CSMD1: variants seen among roughly 807,000 people sequenced by gnomAD.
The protein encoded by CSMD1 is CUB and sushi domain-containing protein 1.
In CSMD1, 213 loss-of-function variants were observed where a neutral mutation model predicts 417.5. The ratio of observed to expected loss-of-function variants is 0.51; its 90% CI spans 0.46 to 0.57. The LOEUF is 0.57. CSMD1 is among the 20% of genes least tolerant of loss of function. CSMD1 has a pLI of 0.00. For synonymous variants in CSMD1, 2,862 were observed against 1,736.8 expected, an observed-to-expected ratio of 1.65 and a Z score of -16.11; for missense variants, 6,923 against 4,529.7, an observed-to-expected ratio of 1.53 and a Z score of -15.17.
chr8:3,675,798 T>C (rs1044214645), intron 7 of CSMD1, among the ~76,000 whole-genome samples: 3 of 152,224 alleles, frequency 2.0e-5, no homozygotes, highest in African/African-American at 4.8e-5. Context: ...CAGTCTATGA[T>C]ATTTTGTTAT....
intron 2 of CSMD1, among the ~76,000 whole-genome samples, chr8:4,427,893 G>C (rs754667740): frequency 1.3e-5 from 2 of 152,084 alleles, no homozygotes; most frequent in African/African-American, 2.4e-5. Context: ...TTAATATAAT[G>C]TCTCTAGGGC....
chr8:4,827,072 T>C (rs544318370), intron 1 of CSMD1, among the ~76,000 whole-genome samples: 1 of 152,038 alleles, frequency 6.6e-6, no homozygotes, highest in Non-Finnish European at 1.5e-5. Flanking sequence ...GGGAAAAAAA[T>C]TAAGTCCATG....
chr8:3,535,144 G>T (rs552591090), intron 10 of CSMD1, among the ~76,000 whole-genome samples: 2 of 151,900 alleles, frequency 1.3e-5, no homozygotes, highest in African/African-American at 2.4e-5. Context: ...TATAGAGACA[G>T]GGTCTCACCA....
chr8:3,543,971 G>T (rs147877475), intron 10 of CSMD1, among the ~76,000 whole-genome samples: 4 of 152,152 alleles, frequency 2.6e-5, no homozygotes, highest in African/African-American at 7.2e-5. Context: ...TGAGAAAGCA[G>T]AAAGAGTCAG....
intron 5 of CSMD1, among the ~76,000 whole-genome samples, chr8:3,976,504 A>G (rs1813446317): frequency 6.6e-6 from 1 of 152,214 alleles, no homozygotes; most frequent in African/African-American, 2.4e-5. Context: ...CGCTTAATAA[A>G]TATTTGTTGA....
At chr8:4,903,612 C>T (rs1387830107) in intron 1 of CSMD1, among the ~76,000 whole-genome samples, 1 of 152,156 alleles carries the variant, frequency 6.6e-6, no homozygotes, top group African/African-American at 2.4e-5. Flanking sequence ...CATGATAAAA[C>T]ATTATGAAGT....
At chr8:4,311,079 A>G (rs10105312) in intron 3 of CSMD1, among the ~76,000 whole-genome samples, 25,831 of 152,184 alleles carry the variant, frequency 0.17, 4,295 homozygotes, top group African/African-American at 0.43. Flanking sequence ...ACTACTGTGG[A>G]AAGCAATGTG....
chr8:3,430,763 T>C (rs546294689), intron 12 of CSMD1, among the ~76,000 whole-genome samples: 2 of 152,272 alleles, frequency 1.3e-5, no homozygotes, highest in South Asian at 2.1e-4. Flanking sequence ...GCAGCGATCA[T>C]GGCCCTGAAC....
chr8:4,574,481 G>A (rs1406478443), intron 2 of CSMD1, among the ~76,000 whole-genome samples: 3 of 152,136 alleles, frequency 2.0e-5, no homozygotes, highest in Admixed American at 1.3e-4. Context: ...CCAGTGAAAT[G>A]ATCCATGTAC....
At chr8:3,466,979 T>A (rs1039394849) in intron 12 of CSMD1, among the ~76,000 whole-genome samples, 3 of 152,152 alleles carry the variant, frequency 2.0e-5, no homozygotes, top group African/African-American at 7.2e-5. Flanking sequence ...TATTCTTTTG[T>A]CAAAGATAAC....
intron 38 of CSMD1, among the ~76,000 whole-genome samples, chr8:3,160,972 G>C (rs932367759): frequency 2.0e-5 from 3 of 152,174 alleles, no homozygotes; most frequent in South Asian, 4.1e-4. Flanking sequence ...CACGGCTGTA[G>C]TGTTGCAACT....
At chr8:4,899,180 G>A (rs1261509762) in intron 1 of CSMD1, among the ~76,000 whole-genome samples, 2 of 152,210 alleles carry the variant, frequency 1.3e-5, no homozygotes, top group Non-Finnish European at 2.9e-5. Flanking sequence ...GCATTTATAT[G>A]TGTGGGTATA....
intron 1 of CSMD1, among the ~76,000 whole-genome samples, chr8:4,881,831 G>C (rs776262584): frequency 3.1e-4 from 47 of 151,988 alleles, no homozygotes; most frequent in Non-Finnish European, 5.9e-5. Context: ...TAAAAGCCAA[G>C]ATTCTACAAT....
At chr8:4,531,184 G>T (rs976956214) in intron 2 of CSMD1, among the ~76,000 whole-genome samples, 2 of 152,002 alleles carry the variant, frequency 1.3e-5, no homozygotes, top group African/African-American at 2.4e-5. Flanking sequence ...TGTATATATC[G>T]CCATGTAATC....
chr8:4,585,359 A>G (rs1022320245), intron 2 of CSMD1, among the ~76,000 whole-genome samples: 3 of 152,178 alleles, frequency 2.0e-5, no homozygotes, highest in African/African-American at 7.2e-5. Flanking sequence ...GAGAACTAGA[A>G]AAAAGGTTAA....
intron 3 of CSMD1, among the ~76,000 whole-genome samples, chr8:4,064,422 C>T (rs545098472): frequency 9.9e-5 from 15 of 152,184 alleles, no homozygotes; most frequent in Non-Finnish European, 2.2e-4. Context: ...AATAAGTAAG[C>T]TTCTGCGGGC....
chr8:3,420,495 G>A (rs1813418351), intron 12 of CSMD1, among the ~76,000 whole-genome samples: 2 of 151,804 alleles, frequency 1.3e-5, no homozygotes, highest in East Asian at 1.9e-4. Context: ...ATGTTGTGAT[G>A]CATGTACCTA....
intron 1 of CSMD1, among the ~76,000 whole-genome samples, chr8:4,937,585 A>C (rs1204920657): frequency 1.3e-5 from 2 of 152,244 alleles, no homozygotes; most frequent in Non-Finnish European, 2.9e-5. Flanking sequence ...GAACAAAGAT[A>C]GGAAAAGTCC....
intron 11 of CSMD1, among the ~76,000 whole-genome samples, chr8:3,472,356 C>T (rs1350543771): frequency 6.6e-6 from 1 of 152,072 alleles, no homozygotes; most frequent in African/African-American, 2.4e-5. Context: ...ACACACTTCC[C>T]AATTCTTGGG....
Sources: gnomAD v4.1 joint callset for allele counts (sites outside exome capture counted in the v4.1 genomes callset) on GRCh38, gnomAD v4.1.1 for gene constraint, MANE v1.5 for transcripts, NCBI Gene and HGNC (gene_info 2026-07-23, HGNC 2026-07-21) for gene names.